The following AUTS2 variants were observed in gnomAD, a reference collection of about 807,000 sequenced individuals.
AUTS2 encodes the protein activator of transcription and developmental regulator AUTS2, also known as autism susceptibility gene 2 protein.
AUTS2 carries 17 observed loss-of-function variants against 112.4 expected under a neutral mutation model. The observed-to-expected ratio is 0.15, with a 90% confidence interval of 0.10 to 0.23. The LOEUF is 0.23. AUTS2 is among the 10% of genes least tolerant of loss of function. AUTS2 has a pLI of 1.00. For missense variants in AUTS2, 1,510 were observed against 1,701.6 expected, an observed-to-expected ratio of 0.89 and a Z score of 1.98; for synonymous variants, 751 against 702.7, an observed-to-expected ratio of 1.07 and a Z score of -1.09.
At chr7:69,872,407 T>A (rs1297199075) in intron 1 of AUTS2, among the ~76,000 whole-genome samples, 3 of 152,244 alleles carry the variant, frequency 2.0e-5, no homozygotes, top group African/African-American at 7.2e-5. Context: ...ATGTTGGATA[T>A]GTCCTTAATA....
intron 5 of AUTS2, among the ~76,000 whole-genome samples, chr7:70,684,577 G>T (rs539464095): frequency 1.5e-3 from 234 of 151,026 alleles, no homozygotes; most frequent in African/African-American, 5.2e-3. Flanking sequence ...GGCGTGGTAT[G>T]GTGTGGCGTG....
chr7:70,073,114 T>C (rs1326514712), intron 2 of AUTS2, among the ~76,000 whole-genome samples: 1 of 139,326 alleles, frequency 7.2e-6, no homozygotes, highest in Non-Finnish European at 1.5e-5. Flanking sequence ...TTTTCTGTAG[T>C]CTTGTACTGG....
rs533482699 is a variant in AUTS2, at chr7:70,691,770, G to A, written c.691-6799G>A. 3.8e-3 allele frequency among the ~76,000 whole-genome samples: 581 copies of A among 152,104 alleles called. 2 individuals are homozygous for A. The highest frequency in any genetic ancestry group is 0.012 in the African/African-American group (517 of 41,464). ...AGTGGTCAGAGGCTTGGCTTTTGGC[G>A]TTCCCAGGTTCCTCTTGATGAGAGA... On this transcript the variant is annotated intron_variant, in intron 5 of 18. Coordinates refer to ENST00000342771, the MANE Select transcript of AUTS2 (RefSeq NM_015570.4).
At chr7:70,425,765 A>G (rs937376805) in intron 4 of AUTS2, among the ~76,000 whole-genome samples, 3 of 152,234 alleles carry the variant, frequency 2.0e-5, no homozygotes, top group Admixed American at 6.5e-5. Flanking sequence ...TATTCTATCT[A>G]GACTAGAGCC....
At chr7:70,396,779 A>G (rs1794103104) in intron 4 of AUTS2, among the ~76,000 whole-genome samples, 1 of 152,162 alleles carries the variant, frequency 6.6e-6, no homozygotes, top group Non-Finnish European at 1.5e-5. Context: ...TCACCTACTG[A>G]TGGACGTCTG....
At chr7:69,602,032 ATATATATATGTGTGTGTGTG>A (rs1792445119) in intron 1 of AUTS2, among the ~76,000 whole-genome samples, 1 of 13,022 alleles carries the variant, frequency 7.7e-5, no homozygotes, top group South Asian at 2.4e-3. Flanking sequence ...ATATATATAT[ATATATATATGTGTGTGTGTG>A]TGTGTGTGTG....
intron 2 of AUTS2, among the ~76,000 whole-genome samples, chr7:69,965,514 GC>G (rs1246445093): frequency 6.6e-6 from 1 of 152,116 alleles, no homozygotes; most frequent in African/African-American, 2.4e-5. Context: ...AGTTCAATAC[GC>G]TATAGATGCC....
intron 1 of AUTS2, among the ~76,000 whole-genome samples, chr7:69,670,495 G>T (rs944818665): frequency 7.3e-6 from 1 of 136,676 alleles, no homozygotes; most frequent in African/African-American, 2.7e-5. Flanking sequence ...TTGAGAGTGT[G>T]TCTGTTCATC....
At chr7:70,314,143 T>G (rs745724869) in intron 4 of AUTS2, among the ~76,000 whole-genome samples, 2 of 152,182 alleles carry the variant, frequency 1.3e-5, no homozygotes, top group Non-Finnish European at 1.5e-5. Context: ...ACAGTGAGAT[T>G]TCCTTTCCTT....
chr7:69,689,758 A>G lies in AUTS2; in HGVS notation c.309+89796A>G, dbSNP rs531232176. Among the ~76,000 whole-genome samples, 53 of 150,408 alleles carry G rather than the reference A, an allele frequency of 3.5e-4. 1 individual carries two copies. The South Asian group carries it at 7.0e-3, about 20-fold the overall frequency. On this transcript the variant is annotated intron_variant, in intron 1 of 18. Coordinates refer to ENST00000342771, the MANE Select transcript of AUTS2 (RefSeq NM_015570.4). ...AGTGGCATGATCTTGACTCACTGCA[A>G]CCTCTATCTCCCAGGCTCAAGTAAT...
intron 4 of AUTS2, among the ~76,000 whole-genome samples, chr7:70,356,782 T>A (rs578107005): frequency 6.9e-6 from 1 of 145,176 alleles, no homozygotes; most frequent in South Asian, 2.1e-4. Context: ...TGCTGGAAAA[T>A]GCATCAGTGG....
intron 2 of AUTS2, among the ~76,000 whole-genome samples, chr7:69,997,664 T>C (rs958397004): frequency 6.6e-6 from 1 of 152,104 alleles, no homozygotes; most frequent in South Asian, 2.1e-4. Context: ...GATGCCAGGC[T>C]CTTTTAAACA....
intron 4 of AUTS2, among the ~76,000 whole-genome samples, chr7:70,362,192 A>G (rs947810157): frequency 6.6e-6 from 1 of 152,084 alleles, no homozygotes; most frequent in Non-Finnish European, 1.5e-5. Context: ...GTTTACATGG[A>G]TGACAATTAG....
At chr7:69,779,552 A>G (rs2129311533) in intron 1 of AUTS2, among the ~76,000 whole-genome samples, 1 of 152,204 alleles carries the variant, frequency 6.6e-6, no homozygotes, top group East Asian at 1.9e-4. Flanking sequence ...TCATGAGGTC[A>G]GGAGTTCGAG....
intron 15 of AUTS2, chr7:70,782,161 T>C (rs1252631385): frequency 6.1e-6 from 1 of 163,222 alleles, no homozygotes; most frequent in African/African-American, 2.4e-5. Context: ...ACTGTAATTT[T>C]GCACCGGGAT....
intron 5 of AUTS2, among the ~76,000 whole-genome samples, chr7:70,461,926 G>A (rs1157913852): frequency 6.6e-6 from 1 of 152,134 alleles, no homozygotes; most frequent in African/African-American, 2.4e-5. Flanking sequence ...CAAAAGAGTT[G>A]ATTTGAGAAA....
intron 1 of AUTS2, among the ~76,000 whole-genome samples, chr7:69,870,529 A>C (rs1479794039): frequency 7.0e-6 from 1 of 143,860 alleles, no homozygotes; most frequent in Non-Finnish European, 1.5e-5. Context: ...GAAACAAAAA[A>C]AAAAAATAAA....
rs986097646 is a variant in AUTS2 at position 69,938,335 on chromosome 7, A to G, written c.522+38837A>G. Among the ~76,000 whole-genome samples the G allele has an allele frequency of 2.0e-5, 3 of 152,124 alleles. No individual in the cohort carries two copies. In the East Asian group the frequency reaches 5.8e-4, roughly 29 times the overall value. ...CTATAAAACTCCACATTTAATGCCT[A>G]CACCTTACCAAACTCCAGGAAACTT... On this transcript the variant is annotated intron_variant, in intron 2 of 18. Coordinates refer to ENST00000342771, the MANE Select transcript of AUTS2 (RefSeq NM_015570.4).
chr7:70,519,994 A>G (rs11973010), intron 5 of AUTS2, among the ~76,000 whole-genome samples: 12,392 of 152,230 alleles, frequency 0.081, 615 homozygotes, highest in African/African-American at 0.12. Flanking sequence ...TTCTTTATAT[A>G]TTATAAATAC....
Sources: allele counts gnomAD v4.1 joint callset (sites outside exome capture counted in the v4.1 genomes callset), GRCh38; gene constraint gnomAD v4.1.1; transcripts MANE v1.5; gene names NCBI Gene and HGNC (gene_info 2026-07-23, HGNC 2026-07-21).